The following RNF180 variants were observed in gnomAD, a reference collection of about 807,000 sequenced individuals.
The protein encoded by RNF180 is ring finger protein 180.
A neutral mutation model predicts 59.2 loss-of-function variants in RNF180; 38 were observed. The observed-to-expected ratio is 0.64, with a 90% CI of 0.50 to 0.84. The LOEUF (loss-of-function observed/expected upper bound fraction) is 0.84, where lower values mean the gene tolerates loss of function less well. Ranked by LOEUF, RNF180 falls within the 40% of genes least tolerant of loss-of-function variation. The pLI is 0.00. For missense variants in RNF180, 705 were observed against 700.9 expected, an observed-to-expected ratio of 1.01 and a Z score of -0.07; for synonymous variants, 262 against 240.3, an observed-to-expected ratio of 1.09 and a Z score of -0.84.
At chr5:64,295,541 G>C (rs966638920) in intron 5 of RNF180, among the ~76,000 whole-genome samples, 1 of 152,138 alleles carries the variant, frequency 6.6e-6, no homozygotes, top group Non-Finnish European at 1.5e-5. Flanking sequence ...GATTGTACTT[G>C]ATACTAATTA....
At chr5:64,217,104 C>G (rs1328896430) in intron 4 of RNF180, among the ~76,000 whole-genome samples, 4 of 152,066 alleles carry the variant, frequency 2.6e-5, no homozygotes, top group Admixed American at 6.5e-5. Flanking sequence ...AATATAGAAT[C>G]CTATAGTATA....
intron 5 of RNF180, among the ~76,000 whole-genome samples, chr5:64,274,430 G>A (rs184474845): frequency 2.0e-5 from 3 of 151,356 alleles, no homozygotes; most frequent in South Asian, 2.1e-4. Flanking sequence ...ATACTTGTTC[G>A]TTGGCAGTTG....
chr5:64,232,803 T>G (rs547121118), intron 5 of RNF180, among the ~76,000 whole-genome samples: 8 of 152,336 alleles, frequency 5.3e-5, no homozygotes, highest in Middle Eastern at 6.8e-3. Context: ...TCCCTTTGGA[T>G]ATATTATTCA....
intron 5 of RNF180, among the ~76,000 whole-genome samples, chr5:64,319,904 T>C (rs764001036): frequency 2.6e-5 from 4 of 152,252 alleles, no homozygotes; most frequent in Non-Finnish European, 5.9e-5. Context: ...AGTGGGACTT[T>C]GGGGGAACTT....
At chr5:64,236,355 C>T (rs981499358) in intron 5 of RNF180, among the ~76,000 whole-genome samples, 2 of 152,080 alleles carry the variant, frequency 1.3e-5, no homozygotes, top group African/African-American at 4.8e-5. Context: ...ATTTATGGTA[C>T]CTGGCAGAAG....
At chr5:64,171,393 G>T (rs568164899) in intron 1 of RNF180, among the ~76,000 whole-genome samples, 1 of 152,268 alleles carries the variant, frequency 6.6e-6, no homozygotes, top group East Asian at 1.9e-4. Context: ...TACAGTAAGG[G>T]CATTGTCAGC....
chr5:64,223,748 C>T (rs915271506), intron 5 of RNF180, among the ~76,000 whole-genome samples: 1 of 151,976 alleles, frequency 6.6e-6, no homozygotes, highest in Non-Finnish European at 1.5e-5. Flanking sequence ...TTCATCCTTT[C>T]CTTCATGTAA....
intron 5 of RNF180, among the ~76,000 whole-genome samples, chr5:64,249,854 T>G (rs1308152723): frequency 6.6e-6 from 1 of 152,154 alleles, no homozygotes; most frequent in African/African-American, 2.4e-5. Context: ...GTGGGAGAGA[T>G]GAACTGCAAT....
At chr5:64,180,578 G>A (rs1271018136) in intron 1 of RNF180, among the ~76,000 whole-genome samples, 1 of 152,096 alleles carries the variant, frequency 6.6e-6, no homozygotes, top group Non-Finnish European at 1.5e-5. Context: ...AACACAGAAA[G>A]CAGGAGGAAG....
At chr5:64,178,354 A>C (rs1750374603) in intron 1 of RNF180, among the ~76,000 whole-genome samples, 1 of 152,154 alleles carries the variant, frequency 6.6e-6, no homozygotes, top group Non-Finnish European at 1.5e-5. Context: ...TTGGCAGACA[A>C]TATTGGAAGC....
At chr5:64,167,554 G>A (rs1285593352) in intron 1 of RNF180, among the ~76,000 whole-genome samples, 1 of 152,040 alleles carries the variant, frequency 6.6e-6, no homozygotes, top group African/African-American at 2.4e-5. Context: ...GTGTGTCTGA[G>A]GACCGACACC....
At chr5:64,224,640 G>A (rs1426210463) in intron 5 of RNF180, among the ~76,000 whole-genome samples, 7 of 152,280 alleles carry the variant, frequency 4.6e-5, no homozygotes, top group African/African-American at 1.7e-4. Context: ...GGAAAGGTCT[G>A]AGAAAAGAGC....
chr5:64,233,804 G>A (rs1025490059), intron 5 of RNF180, among the ~76,000 whole-genome samples: 9 of 152,184 alleles, frequency 5.9e-5, no homozygotes, highest in Non-Finnish European at 1.3e-4. Flanking sequence ...TAACCTTTCT[G>A]AAGATTGCAG....
chr5:64,290,149 A>ACGTCT (rs1742496971), intron 5 of RNF180, among the ~76,000 whole-genome samples: 1 of 152,106 alleles, frequency 6.6e-6, no homozygotes, highest in African/African-American at 2.4e-5. Flanking sequence ...TACCCAGGAG[A>ACGTCT]CATTCAGGAA....
At chr5:64,287,523 A>G (rs534500416) in intron 5 of RNF180, among the ~76,000 whole-genome samples, 7 of 152,298 alleles carry the variant, frequency 4.6e-5, no homozygotes, top group East Asian at 3.9e-4. Context: ...AGTATCTGCA[A>G]TTAATTTACA....
chr5:64,276,880 T>C (rs1741747888), intron 5 of RNF180, among the ~76,000 whole-genome samples: 1 of 152,090 alleles, frequency 6.6e-6, no homozygotes, highest in South Asian at 2.1e-4. Flanking sequence ...CGCAAGCACC[T>C]GGTTCAGGCC....
At chr5:64,258,250 A>G (rs953580795) in intron 5 of RNF180, among the ~76,000 whole-genome samples, 1 of 152,184 alleles carries the variant, frequency 6.6e-6, no homozygotes, top group Admixed American at 6.6e-5. Context: ...GACCAAAACT[A>G]AAAGACCATT....
At chr5:64,326,504 C>T (rs984809709) in intron 6 of RNF180, among the ~76,000 whole-genome samples, 6 of 152,122 alleles carry the variant, frequency 3.9e-5, no homozygotes, top group African/African-American at 1.4e-4. Flanking sequence ...TTATATGCCT[C>T]TGCCATCAGG....
chr5:64,230,567 C>A (rs966223341), intron 5 of RNF180, among the ~76,000 whole-genome samples: 1 of 152,168 alleles, frequency 6.6e-6, no homozygotes, highest in Non-Finnish European at 1.5e-5. Flanking sequence ...TTGGACCCAC[C>A]CACTTCAATC....
Sources: gnomAD v4.1 joint callset for allele counts (sites outside exome capture counted in the v4.1 genomes callset) on GRCh38, gnomAD v4.1.1 for gene constraint, MANE v1.5 for transcripts, NCBI Gene and HGNC (gene_info 2026-07-23, HGNC 2026-07-21) for gene names.